Variants in CLVS1 observed in about 807,000 individuals in gnomAD.
The protein encoded by CLVS1 is clavesin 1, also known as clavesin-1.
In CLVS1, 10 loss-of-function variants were observed where a neutral mutation model predicts 33.1. That is an observed-to-expected ratio of 0.30 (90% CI 0.19 to 0.51). The LOEUF is 0.51. Among genes scored for constraint, CLVS1 ranks in the 20% least tolerant of loss-of-function variants. The probability of loss-of-function intolerance (pLI) is 0.97; values close to 1 mark genes in which losing one functional copy is unlikely to be tolerated. For synonymous variants in CLVS1, 163 were observed against 166.1 expected (o/e 0.98, Z 0.14); for missense variants, 343 against 433.4 (o/e 0.79, Z 1.85).
intron 2 of CLVS1, among the ~76,000 whole-genome samples, chr8:61,205,840 A>G (rs1197835765): frequency 6.6e-6 from 1 of 152,154 alleles, no homozygotes; most frequent in Non-Finnish European, 1.5e-5. Flanking sequence ...ACTAAACTTA[A>G]AATTTTTTTT....
chr8:60,976,559 G>A, the CLVS1 span, among the ~76,000 whole-genome samples: 3 of 152,228 alleles, frequency 2.0e-5, no homozygotes, highest in East Asian at 5.8e-4. Flanking sequence ...AGCACTACTG[G>A]GTAATGTCAT....
At chr8:61,337,543 C>T (rs1477742785) in intron 2 of CLVS1, among the ~76,000 whole-genome samples, 1 of 152,102 alleles carries the variant, frequency 6.6e-6, no homozygotes, top group Non-Finnish European at 1.5e-5. Context: ...AAAGCACAAC[C>T]GAGACACCTG....
the CLVS1 span, among the ~76,000 whole-genome samples, chr8:61,000,619 GTCA>G: frequency 1.3e-5 from 2 of 151,868 alleles, no homozygotes; most frequent in Non-Finnish European, 2.9e-5. Flanking sequence ...TTTTGAAAAT[GTCA>G]TCTAATGCAA....
the CLVS1 span, among the ~76,000 whole-genome samples, chr8:60,991,561 G>T: frequency 6.6e-6 from 1 of 152,076 alleles, no homozygotes; most frequent in African/African-American, 2.4e-5. Flanking sequence ...GGCTTTTCAG[G>T]ACGGCCACAG....
chr8:61,361,434 T>C (rs1812975232), intron 2 of CLVS1, among the ~76,000 whole-genome samples: 1 of 152,216 alleles, frequency 6.6e-6, no homozygotes, highest in African/African-American at 2.4e-5. Flanking sequence ...AGATGCTAGG[T>C]TGTCTCCTTT....
chr8:61,345,638 A>G (rs12544326), intron 2 of CLVS1, among the ~76,000 whole-genome samples: 1,353 of 130,438 alleles, frequency 0.01, 22 homozygotes, highest in African/African-American at 0.037. Context: ...GTGTGTGTGT[A>G]TGTGTGTGTG....
chr8:61,307,518 A>G (rs1810673152), intron 2 of CLVS1, among the ~76,000 whole-genome samples: 1 of 152,192 alleles, frequency 6.6e-6, no homozygotes. Context: ...GGTGAGGGAT[A>G]GGGCAAAATT....
At position 61,114,132 on chromosome 8, in the gene CLVS1, G is replaced by T. The variant is rs4512371; in HGVS notation, c.-242-17638G>T. On this transcript the variant is annotated intron_variant, in intron 1 of 2. Coordinates refer to the CLVS1 transcript ENST00000522621. Reference sequence around the variant, plus strand: ...TATGGACATTGAAATTTGAATTTCAGATAGTTTTCATGTTGTGAAATATTA... The same window carrying T: ...TATGGACATTGAAATTTGAATTTCATATAGTTTTCATGTTGTGAAATATTA... Among the ~76,000 whole-genome samples, 304 of 152,334 alleles carry T rather than the reference G, an allele frequency of 2.0e-3. 3 individuals carry two copies. The highest frequency in any genetic ancestry group is 5.8e-3 in the African/African-American group (240 of 41,584).
chr8:61,177,765 GA>G (rs777771601), intron 2 of CLVS1, among the ~76,000 whole-genome samples: 2 of 142,304 alleles, frequency 1.4e-5, no homozygotes, highest in Non-Finnish European at 3.1e-5. Flanking sequence ...ACTATTGAAA[GA>G]AAAACAAACA....
intron 1 of CLVS1, among the ~76,000 whole-genome samples, chr8:61,121,928 A>G (rs1452511258): frequency 1.3e-5 from 2 of 152,248 alleles, no homozygotes; most frequent in South Asian, 2.1e-4. Context: ...AAAAAGTGCC[A>G]GCAAAATAAA....
intron 2 of CLVS1, among the ~76,000 whole-genome samples, chr8:61,266,726 C>T (rs1370568372): frequency 1.3e-5 from 2 of 152,140 alleles, no homozygotes; most frequent in African/African-American, 2.4e-5. Context: ...GGTTCTTTTC[C>T]CCTCTTCCAA....
intron 1 of CLVS1, among the ~76,000 whole-genome samples, chr8:61,105,450 C>T (rs778874638): frequency 2.6e-5 from 4 of 152,092 alleles, no homozygotes; most frequent in African/African-American, 2.4e-5. Flanking sequence ...GCATAAAACT[C>T]GTCTCACTCT....
At chr8:61,084,828 G>A (rs537821383) in intron 1 of CLVS1, among the ~76,000 whole-genome samples, 6 of 152,326 alleles carry the variant, frequency 3.9e-5, no homozygotes, top group East Asian at 1.9e-4. Flanking sequence ...ATTGGGGGTA[G>A]AGATAGAAGA....
chr8:61,213,099 G>A (rs942781318), intron 2 of CLVS1, among the ~76,000 whole-genome samples: 3 of 151,726 alleles, frequency 2.0e-5, no homozygotes, highest in Admixed American at 6.6e-5. Flanking sequence ...TCCCATCCCC[G>A]GGGGTATCTG....
intron 5 of CLVS1, among the ~76,000 whole-genome samples, chr8:61,466,158 TG>T (rs1432706426): frequency 6.6e-6 from 1 of 152,216 alleles, no homozygotes; most frequent in Admixed American, 6.5e-5. Flanking sequence ...AAATAAGCTT[TG>T]TATTAGTTAT....
At chr8:61,143,846 C>T (rs1232593227) in intron 2 of CLVS1, among the ~76,000 whole-genome samples, 2 of 146,138 alleles carry the variant, frequency 1.4e-5, no homozygotes, top group East Asian at 2.0e-4. Context: ...ATTATATATA[C>T]ATAATATATA....
chr8:61,032,992 G>A, the CLVS1 span, among the ~76,000 whole-genome samples: 6,853 of 43,004 alleles, frequency 0.16, 592 homozygotes, highest in Middle Eastern at 0.2. Context: ...AAGGAAGGAA[G>A]GAAAGAAAGA....
intron 2 of CLVS1, among the ~76,000 whole-genome samples, chr8:61,170,037 G>A (rs1265108078): frequency 6.6e-6 from 1 of 152,026 alleles, no homozygotes; most frequent in Non-Finnish European, 1.5e-5. Context: ...CATTTAAAGT[G>A]TACATTTGTA....
At chr8:61,121,021 C>G (rs1036223877) in intron 1 of CLVS1, among the ~76,000 whole-genome samples, 2 of 151,490 alleles carry the variant, frequency 1.3e-5, no homozygotes, top group Non-Finnish European at 2.9e-5. Context: ...TAGCAATCAG[C>G]GAGACTCCGT....
Sources: allele counts gnomAD v4.1 joint callset (sites outside exome capture counted in the v4.1 genomes callset), GRCh38; gene constraint gnomAD v4.1.1; transcripts MANE v1.5; gene names NCBI Gene and HGNC (gene_info 2026-07-23, HGNC 2026-07-21).